Variants in MCFD2 observed in about 807,000 individuals in gnomAD.
MCFD2 encodes multiple coagulation factor deficiency protein 2.
Under a neutral mutation model 12.8 loss-of-function variants are expected in MCFD2, and 11 were observed. The observed-to-expected ratio is 0.86, with a 90% confidence interval of 0.54 to 1.42. MCFD2 has a LOEUF of 1.42. MCFD2 is among the 40% of genes most tolerant of loss of function. MCFD2 has a pLI of 0.00. For synonymous variants in MCFD2, 70 were observed against 68.1 expected, an observed-to-expected ratio of 1.03 and a Z score of -0.14; for missense variants, 191 against 178.6, an observed-to-expected ratio of 1.07 and a Z score of -0.40.
chr2:46,918,528 C>G (rs919296769), upstream of MCFD2, among the ~76,000 whole-genome samples: 4 of 152,158 alleles, frequency 2.6e-5, no homozygotes, highest in South Asian at 2.1e-4. Context: ...GTAGCTGAAC[C>G]CATTCCTAAC....
At position 46,908,913 on chromosome 2, in the gene MCFD2, G is replaced by A; in HGVS notation, c.149+110C>T. 1 of 1,362,956 alleles carries A rather than the reference G, an allele frequency of 7.3e-7. No homozygotes were observed. Among genetic ancestry groups the A allele is most frequent in the African/African-American group, 1.4e-5 (1 of 70,144 alleles). The allele number at this position is 1,362,956 out of a possible 1,614,324, so 84.4% of individuals were successfully genotyped here. A position where few individuals can be genotyped will look rare whatever the true frequency, so the allele number is the denominator to read the frequency against. ...AAGAATCATCCTTGAAGAATGTCAA[G>A]GAGCCATAGAAACAGGAAGAAGGAA... On this transcript the variant is annotated intron_variant, in intron 2 of 3. Transcript: ENST00000319466. The surrounding 1 kb of genome is among the most constrained non-coding windows in gnomAD (Gnocchi z 4.5).
At chr2:46,928,314 C>CA (rs1389900478) in intron 1 of MCFD2, among the ~76,000 whole-genome samples, 3 of 150,818 alleles carry the variant, frequency 2.0e-5, no homozygotes, top group Admixed American at 2.0e-4. Flanking sequence ...AAAAACATTA[C>CA]AAAAAAAAGA....
At chr2:46,931,591 G>A (rs1572651152) in intron 1 of MCFD2, among the ~76,000 whole-genome samples, 3 of 152,058 alleles carry the variant, frequency 2.0e-5, no homozygotes. Flanking sequence ...GTAGAAAGGG[G>A]TCACCAGCCA....
chr2:46,929,181 CAAAACAAA>C, intron 1 of MCFD2, among the ~76,000 whole-genome samples: 1 of 151,886 alleles, frequency 6.6e-6, no homozygotes, highest in African/African-American at 2.4e-5. Context: ...GAAAACAAAA[CAAAACAAA>C]AAAACACTTC....
upstream of MCFD2, chr2:46,917,137 C>G (rs1363094264): frequency 2.9e-6 from 2 of 699,720 alleles, no homozygotes; most frequent in Non-Finnish European, 2.6e-6. Flanking sequence ...CCACCCCATC[C>G]CAGAGAAAAA....
chr2:46,921,013 A>T (rs2103802227), intron 1 of MCFD2, among the ~76,000 whole-genome samples: 1 of 152,138 alleles, frequency 6.6e-6, no homozygotes, highest in African/African-American at 2.4e-5. Context: ...GAATAGAGGG[A>T]TACTTTCTCA....
At chr2:46,922,835 C>G (rs986650967) in intron 1 of MCFD2, among the ~76,000 whole-genome samples, 1 of 152,170 alleles carries the variant, frequency 6.6e-6, no homozygotes, top group African/African-American at 2.4e-5. Flanking sequence ...TGCCATCTAC[C>G]TAGAGATAAC....
intron 1 of MCFD2, among the ~76,000 whole-genome samples, chr2:46,922,216 G>C (rs962744875): frequency 1.3e-5 from 2 of 152,160 alleles, no homozygotes; most frequent in Non-Finnish European, 2.9e-5. Context: ...GTGCCAGGCT[G>C]ATACTATAAT....
intron 1 of MCFD2, among the ~76,000 whole-genome samples, chr2:46,911,738 G>A (rs1198289858): frequency 2.6e-5 from 4 of 151,798 alleles, no homozygotes; most frequent in Admixed American, 6.6e-5. Flanking sequence ...TGGCTAACAC[G>A]GTGAAATCCC....
In MCFD2 at chr2:46,907,718, A is replaced by T. The variant is rs1668302068; in HGVS notation, c.309+92T>A. ...AGTGGAGAAGCAGCACTCTTGGCAC[A>T]TAAGGACAACACAAGTCAACAAGAC... is the stretch of plus-strand genomic sequence containing the variant. On this transcript the variant is annotated intron_variant, in intron 3 of 3. Coordinates refer to ENST00000319466, the MANE Select transcript of MCFD2 (RefSeq NM_139279.6). This position sits in a 1 kb window ranked among gnomAD's most constrained non-coding sequence, Gnocchi z 4.1. 22 of 1,387,338 alleles carry T rather than the reference A, an allele frequency of 1.6e-5. No homozygotes were observed. In the South Asian group the frequency reaches 2.3e-4, roughly 15 times the overall value. The allele number at this position is 1,387,338 out of a possible 1,614,324, so 85.9% of individuals were successfully genotyped here. A position where few individuals can be genotyped will look rare whatever the true frequency, so the allele number is the denominator to read the frequency against.
At chr2:46,924,349 T>C (rs1572638612) in intron 1 of MCFD2, among the ~76,000 whole-genome samples, 1 of 152,256 alleles carries the variant, frequency 6.6e-6, no homozygotes, top group African/African-American at 2.4e-5. Context: ...GTTAGCTCCT[T>C]CTTAATTTTT....
chr2:46,909,295 T>C (rs1289861650), intron 1 of MCFD2, 118 bp from the exon 2 acceptor site: 71 of 1,238,224 alleles, frequency 5.7e-5, no homozygotes, highest in Non-Finnish European at 7.9e-5. Context: ...GGAAGAGAGC[T>C]TGTCAAACAC....
intron 1 of MCFD2, among the ~76,000 whole-genome samples, chr2:46,930,441 A>AC (rs977320991): frequency 3.3e-5 from 5 of 151,254 alleles, no homozygotes; most frequent in Non-Finnish European, 7.4e-5. Flanking sequence ...CTAGGAAAAA[A>AC]AAAAAAAACT....
In MCFD2 at chr2:46,935,635, C is replaced by T. The variant is rs574492306; in HGVS notation, c.-8+5937G>A. Among the ~76,000 whole-genome samples the T allele has an allele frequency of 1.1e-3, 161 of 152,232 alleles. 1 individual carries two copies. The highest frequency in any genetic ancestry group is 6.8e-3 in the Middle Eastern group (2 of 294). ...TAGATAGCATTCAATTATTGAGGCC[C>T]GCAGTGATCCAACTGAGACCTCCTC... On this transcript the variant is annotated intron_variant, in intron 1 of 2. Coordinates refer to the MCFD2 transcript ENST00000409147.
At position 46,905,417 on chromosome 2, in the gene MCFD2, A is replaced by G. The variant is rs749647374; in HGVS notation, c.*46T>C. ...CATTACTAAAGTGTTCAATCACATT[A>G]TCACGGGTCACATTTGTATATAACC... On this transcript the variant is annotated 3_prime_UTR_variant, in exon 4 of 4. Coordinates refer to ENST00000319466, the MANE Select transcript of MCFD2 (RefSeq NM_139279.6). The G allele has an allele frequency of 6.2e-6, 10 of 1,608,792 alleles. No homozygotes were observed. The highest frequency in any genetic ancestry group is 8.5e-6 in the Non-Finnish European group (10 of 1,177,276).
chr2:46,908,064 T>A lies in MCFD2; in HGVS notation c.150-95A>T. 1.4e-6 allele frequency: 2 copies of A among 1,394,848 alleles called. No homozygotes were observed. Among genetic ancestry groups the A allele is most frequent in the East Asian group, 4.7e-5 (2 of 42,994 alleles). The allele number at this position is 1,394,848 out of a possible 1,614,324, so 86.4% of individuals were successfully genotyped here. On this transcript the variant is annotated intron_variant, in intron 2 of 3. Transcript: ENST00000319466. This position sits in a 1 kb window ranked among gnomAD's most constrained non-coding sequence, Gnocchi z 4.5. Reference sequence around the variant, plus strand: ...GAAAAGTTCAAGATCTTAAACTTCCTCCAGCTCAGAAAAACAAACACCAGC... The same window carrying A: ...GAAAAGTTCAAGATCTTAAACTTCCACCAGCTCAGAAAAACAAACACCAGC...
In MCFD2 at chr2:46,908,777, A is replaced by G; in HGVS notation, c.149+246T>C. On this transcript the variant is annotated intron_variant, in intron 2 of 3. Coordinates refer to ENST00000319466, the MANE Select transcript of MCFD2 (RefSeq NM_139279.6). The surrounding 1 kb of genome is among the most constrained non-coding windows in gnomAD (Gnocchi z 4.5). ...TGTGTGTCTGTCTGTGGTGAAAAAA[A>G]GGAGAGACCGGATTCAGACAAGTAA... 1.8e-6 allele frequency: 1 copy of G among 550,356 alleles called. No individual in the cohort carries two copies. The allele number at this position is 550,356 out of a possible 1,614,324, so 34.1% of individuals were successfully genotyped here.
chr2:46,915,916 C>T (rs1668754588), upstream of MCFD2: 2 of 985,090 alleles, frequency 2.0e-6, no homozygotes, highest in Non-Finnish European at 2.4e-6. Context: ...GTGAGGACGG[C>T]TCGCGTGAGT....
intron 1 of MCFD2, among the ~76,000 whole-genome samples, chr2:46,934,253 A>G (rs1207012801): frequency 1.3e-5 from 2 of 152,166 alleles, no homozygotes; most frequent in Non-Finnish European, 2.9e-5. Context: ...AACCATTTAA[A>G]TGAACTCGAT....
Sources: gnomAD v4.1 joint callset for allele counts (sites outside exome capture counted in the v4.1 genomes callset) on GRCh38, gnomAD v4.1.1 for gene constraint, Gnocchi (gnomAD v3.1) non-coding constraint, MANE v1.5 for transcripts, NCBI Gene and HGNC (gene_info 2026-07-23, HGNC 2026-07-21) for gene names.